Variants in LRP1B observed in about 807,000 individuals in gnomAD.
The protein encoded by LRP1B is LDL receptor related protein 1B, also known as low-density lipoprotein receptor-related protein 1B.
In LRP1B, 217 loss-of-function variants were observed where a neutral mutation model predicts 556.6. The ratio of observed to expected loss-of-function variants is 0.39; its 90% CI spans 0.35 to 0.44. LRP1B has a LOEUF of 0.44. Ranked by LOEUF, LRP1B falls within the 20% of genes least tolerant of loss-of-function variation. The pLI is 1.00. For synonymous variants in LRP1B, 2,047 were observed against 1,865.8 expected (o/e 1.10, Z -2.50); for missense variants, 5,053 against 5,620.8 (o/e 0.90, Z 3.23).
rs1315034040 is a variant in LRP1B at position 141,849,340 on chromosome 2, TTTTC to T, written c.83-38943_83-38940del. 2.0e-5 allele frequency among the ~76,000 whole-genome samples: 3 copies of T among 151,716 alleles called. No homozygotes were observed. The East Asian group carries it at 5.8e-4, about 29-fold the overall frequency. ...TGTCAGAATATTAATTGTGACAGCA[TTTTC>T]TTTCTTTTGTTGTTCATAATCGAAT... On this transcript the variant is annotated intron_variant, in intron 1 of 90. Coordinates refer to ENST00000389484, the MANE Select transcript of LRP1B (RefSeq NM_018557.3).
intron 3 of LRP1B, among the ~76,000 whole-genome samples, chr2:141,470,618 T>C (rs1369175234): frequency 2.6e-5 from 4 of 152,176 alleles, no homozygotes. Context: ...GTTTAACGCT[T>C]GCTTTCCAGC....
chr2:141,715,769 C>A (rs138000006), intron 2 of LRP1B, among the ~76,000 whole-genome samples: 2 of 152,024 alleles, frequency 1.3e-5, no homozygotes, highest in Non-Finnish European at 2.9e-5. Context: ...GAGCCAAGAT[C>A]GCGTCATTGC....
chr2:140,370,806 G>A lies in LRP1B; in HGVS notation c.10912C>T (p.Arg3638Trp), dbSNP rs777683696. 22 of 1,612,478 alleles carry A rather than the reference G, an allele frequency of 1.4e-5. No individual in the cohort carries two copies. The highest frequency in any genetic ancestry group is 1.7e-4 in the Middle Eastern group (1 of 6,052). ...ATACAGTGGGCTTTATTTTTGCACC[G>A]AAACTGATCTTCCTTACATTCAGTC... ...CVTECKEDQFRCKNKAHCIPI... is the reference protein window; with the variant it reads ...CVTECKEDQFWCKNKAHCIPI... Residue 3638 changes from arginine to tryptophan, a missense_variant, in exon 71 of 91, where the codon CGG becomes TGG. Physicochemically the swap from Arg to Trp is moderately radical, Grantham distance 101. Transcript: ENST00000389484.
At chr2:142,059,192 G>A (rs1704798852) in intron 1 of LRP1B, among the ~76,000 whole-genome samples, 1 of 152,096 alleles carries the variant, frequency 6.6e-6, no homozygotes, top group Admixed American at 6.6e-5. Context: ...TTCTTTTGGG[G>A]ATGATGGAAA....
At chr2:141,287,511 A>G (rs1242313037) in intron 3 of LRP1B, among the ~76,000 whole-genome samples, 1 of 152,008 alleles carries the variant, frequency 6.6e-6, no homozygotes, top group Admixed American at 6.6e-5. Context: ...ATAAATATTT[A>G]AAGCACTAAA....
At chr2:141,657,132 AATT>A (rs1411782778) in intron 2 of LRP1B, among the ~76,000 whole-genome samples, 1 of 152,098 alleles carries the variant, frequency 6.6e-6, no homozygotes, top group African/African-American at 2.4e-5. Flanking sequence ...TGAGACCCAA[AATT>A]ATTATGTGTA....
chr2:140,654,813 T>C (rs1234557623), intron 41 of LRP1B, among the ~76,000 whole-genome samples: 2 of 152,186 alleles, frequency 1.3e-5, no homozygotes, highest in Admixed American at 1.3e-4. Context: ...AAGGGTCTCT[T>C]ACTATCCTAA....
chr2:140,264,855 G>C (rs537153345), intron 86 of LRP1B, among the ~76,000 whole-genome samples: 1 of 152,058 alleles, frequency 6.6e-6, no homozygotes, highest in African/African-American at 2.4e-5. Context: ...TGAGATTAAT[G>C]AGATAATAAG....
At chr2:140,843,056 GTTTTTTTTTTGTTT>G (rs1692158482) in intron 29 of LRP1B, among the ~76,000 whole-genome samples, 2 of 28,058 alleles carry the variant, frequency 7.1e-5, no homozygotes, top group African/African-American at 2.3e-4. Flanking sequence ...CTCCAAAGTG[GTTTTTTTTTTGTTT>G]TTTTTTTTTT....
At chr2:140,374,432 A>G (rs765448012) in intron 68 of LRP1B, among the ~76,000 whole-genome samples, 4 of 152,170 alleles carry the variant, frequency 2.6e-5, no homozygotes, top group Non-Finnish European at 4.4e-5. Context: ...TCTCTTTGTG[A>G]TAACAGTTTA....
At chr2:140,731,637 C>T (rs568145870) in intron 35 of LRP1B, among the ~76,000 whole-genome samples, 1 of 151,406 alleles carries the variant, frequency 6.6e-6, no homozygotes, top group African/African-American at 2.4e-5. Context: ...GCGTGGTGGC[C>T]CGTGCCTGTA....
chr2:140,713,894 C>T (rs568159760), intron 37 of LRP1B, among the ~76,000 whole-genome samples: 1 of 152,248 alleles, frequency 6.6e-6, no homozygotes, highest in East Asian at 1.9e-4. Flanking sequence ...CTACCACCCT[C>T]ATTTTTACTA....
intron 1 of LRP1B, among the ~76,000 whole-genome samples, chr2:142,009,068 G>A (rs745316780): frequency 9.9e-5 from 15 of 152,034 alleles, no homozygotes; most frequent in Non-Finnish European, 2.2e-4. Flanking sequence ...CTAACTTCTT[G>A]AACTCCAAAA....
intron 1 of LRP1B, among the ~76,000 whole-genome samples, chr2:141,887,890 A>G (rs952635167): frequency 6.6e-6 from 1 of 152,246 alleles, no homozygotes; most frequent in Admixed American, 6.5e-5. Flanking sequence ...ACCAAAAACT[A>G]TGAAAGAATA....
intron 16 of LRP1B, among the ~76,000 whole-genome samples, chr2:140,990,598 C>T (rs779052429): frequency 6.6e-6 from 1 of 151,688 alleles, no homozygotes; most frequent in Non-Finnish European, 1.5e-5. Context: ...TTCCCTAGTA[C>T]AAACAAACAT....
At chr2:140,720,996 C>T (rs1040564891) in intron 35 of LRP1B, among the ~76,000 whole-genome samples, 19 of 151,982 alleles carry the variant, frequency 1.3e-4, no homozygotes, top group African/African-American at 4.3e-4. Flanking sequence ...CACAAAGTTG[C>T]TTTTTCTTCA....
chr2:140,533,145 T>G (rs1690794994), intron 47 of LRP1B, among the ~76,000 whole-genome samples: 2 of 151,804 alleles, frequency 1.3e-5, no homozygotes, highest in Non-Finnish European at 2.9e-5. Flanking sequence ...TAAGAAGGCT[T>G]TCAATGTCAG....
chr2:141,592,436 A>G (rs923382330), intron 2 of LRP1B, among the ~76,000 whole-genome samples: 3 of 152,078 alleles, frequency 2.0e-5, no homozygotes, highest in African/African-American at 7.2e-5. Flanking sequence ...CTCTTTTATG[A>G]GGGCACTAAT....
chr2:141,465,345 A>G (rs1482297717), intron 3 of LRP1B, among the ~76,000 whole-genome samples: 1 of 151,862 alleles, frequency 6.6e-6, no homozygotes, highest in Non-Finnish European at 1.5e-5. Flanking sequence ...ATGGGGAAAA[A>G]ATGGAAAAAA....
Sources: gnomAD v4.1 joint callset for allele counts (sites outside exome capture counted in the v4.1 genomes callset) on GRCh38, gnomAD v4.1.1 for gene constraint, MANE v1.5 for transcripts, NCBI Gene and HGNC (gene_info 2026-07-23, HGNC 2026-07-21) for gene names.